Variants in SULT2B1 observed in about 807,000 individuals in gnomAD.
The protein encoded by SULT2B1 is sulfotransferase 2B1.
SULT2B1 carries 16 observed loss-of-function variants against 33.2 expected under a neutral mutation model. The ratio of observed to expected loss-of-function variants is 0.48; its 90% confidence interval spans 0.33 to 0.73. SULT2B1 has a LOEUF of 0.73. SULT2B1 is among the 30% of genes least tolerant of loss of function. The pLI is 0.02. For missense variants in SULT2B1, 500 were observed against 506.0 expected, an observed-to-expected ratio of 0.99 and a Z score of 0.11; for synonymous variants, 186 against 200.5, an observed-to-expected ratio of 0.93 and a Z score of 0.61.
rs79609488 is a variant in SULT2B1 at position 48,554,532 on chromosome 19, C to A, written c.71+2209C>A. ...TCATCTCCCCCCAACCTCACCACTC[C>A]AGCCTTGGCTGTCCCAGGCTGCTCC... is the stretch of plus-strand genomic sequence containing the variant. On this transcript the variant is annotated intron_variant, in intron 1 of 6. Transcript: ENST00000201586. 7.9e-3 allele frequency among the ~76,000 whole-genome samples: 1,171 copies of A among 148,844 alleles called. 29 individuals are homozygous for A. Among genetic ancestry groups the A allele is most frequent in the African/African-American group, 0.028 (1,110 of 39,564 alleles).
rs1973641932 is a variant in SULT2B1, at chr19:48,591,491, CCT to C, written c.424-117_424-116del. ...CCATCGCAAAAAAAAAAGAGTCTGC[CCT>C]GAGTCCTTCCTGCTTCAGGGTCAGA... On this transcript the variant is annotated intron_variant, in intron 3 of 6. Transcript: ENST00000201586. 2.4e-6 allele frequency: 3 copies of C among 1,251,046 alleles called. No individual in the cohort carries two copies. The African/African-American group carries it at 4.6e-5, about 19-fold the overall frequency. 77.5% of individuals were successfully genotyped at this position (1,251,046 alleles called of 1,614,324 possible). A position where few individuals can be genotyped will look rare whatever the true frequency, so the allele number is the denominator to read the frequency against.
intron 2 of SULT2B1, among the ~76,000 whole-genome samples, chr19:48,577,028 A>ATTTTTTTT (rs71179012): frequency 7.5e-5 from 7 of 92,954 alleles, no homozygotes; most frequent in African/African-American, 1.4e-4. Flanking sequence ...ACCCCCCTCT[A>ATTTTTTTT]TTTTTTTTTT....
intron 2 of SULT2B1, among the ~76,000 whole-genome samples, chr19:48,581,961 G>A (rs1378112200): frequency 6.6e-6 from 1 of 151,226 alleles, no homozygotes; most frequent in African/African-American, 2.4e-5. Context: ...CTGGAGTGTA[G>A]TGGTGCCATC....
intron 2 of SULT2B1, among the ~76,000 whole-genome samples, chr19:48,580,956 T>G (rs896601784): frequency 6.6e-6 from 1 of 151,360 alleles, no homozygotes; most frequent in African/African-American, 2.4e-5. Flanking sequence ...ACTGTAGTAT[T>G]AATTTGCATT....
chr19:48,576,355 T>G (rs1459506975), intron 2 of SULT2B1, among the ~76,000 whole-genome samples: 2 of 65,860 alleles, frequency 3.0e-5, no homozygotes, highest in Non-Finnish European at 6.4e-5. Flanking sequence ...TACCCTCTAC[T>G]TCTCTTTTTT....
At chr19:48,559,254 G>A (rs1279062183) in intron 1 of SULT2B1, among the ~76,000 whole-genome samples, 1 of 152,152 alleles carries the variant, frequency 6.6e-6, no homozygotes, top group East Asian at 1.9e-4. Context: ...TTGGGGTGGG[G>A]GGAGGCAGTT....
At chr19:48,591,792 A>G (rs1291658868) in intron 4 of SULT2B1, 57 bp downstream of exon 4, 18 of 1,506,662 alleles carry the variant, frequency 1.2e-5, no homozygotes, top group Admixed American at 8.8e-5. Flanking sequence ...GAGGACCCTG[A>G]TGGGCAGAGG....
intron 4 of SULT2B1, among the ~76,000 whole-genome samples, chr19:48,591,996 C>T (rs935519318): frequency 5.9e-5 from 9 of 151,722 alleles, no homozygotes; most frequent in African/African-American, 2.2e-4. Context: ...AGAGAGAGGG[C>T]AACAAAAGAG....
intron 1 of SULT2B1, among the ~76,000 whole-genome samples, chr19:48,572,554 C>G (rs6509395): frequency 0.64 from 97,789 of 151,708 alleles, 32,211 homozygotes; most frequent in African/African-American, 0.74. Context: ...TGACCTGTGT[C>G]GAGGTGGAAG....
At chr19:48,580,709 T>A (rs1176639081) in intron 2 of SULT2B1, among the ~76,000 whole-genome samples, 1 of 152,032 alleles carries the variant, frequency 6.6e-6, no homozygotes, top group Non-Finnish European at 1.5e-5. Flanking sequence ...GGGAAGATCA[T>A]GGCTCACTGC....
At chr19:48,581,340 G>C (rs1037733935) in intron 2 of SULT2B1, among the ~76,000 whole-genome samples, 2 of 151,432 alleles carry the variant, frequency 1.3e-5, no homozygotes, top group Non-Finnish European at 2.9e-5. Context: ...CACCGCACCT[G>C]GCCATATATT....
intron 1 of SULT2B1, among the ~76,000 whole-genome samples, chr19:48,555,124 C>T (rs569206074): frequency 8.5e-5 from 13 of 152,174 alleles, no homozygotes; most frequent in Middle Eastern, 3.2e-3. Context: ...CGGAGTCTCA[C>T]TCTGTCGCCC....
chr19:48,566,670 C>T lies in SULT2B1; in HGVS notation c.72-9271C>T, dbSNP rs190630877. Reference sequence around the variant, plus strand: ...CAGCCTGGGCAACATGGTAAAACCCCGTTTTTACTAAAATATAAAAAATTA... The same window carrying T: ...CAGCCTGGGCAACATGGTAAAACCCTGTTTTTACTAAAATATAAAAAATTA... On this transcript the variant is annotated intron_variant, in intron 1 of 6. Coordinates refer to ENST00000201586, the MANE Select transcript of SULT2B1 (RefSeq NM_177973.2). Among the ~76,000 whole-genome samples, 59 of 152,094 alleles carry T rather than the reference C, an allele frequency of 3.9e-4. 2 individuals carry two copies. The highest frequency in any genetic ancestry group is 3.2e-3 in the Admixed American group (49 of 15,236).
At chr19:48,588,218 A>G (rs1973592554) in intron 3 of SULT2B1, among the ~76,000 whole-genome samples, 1 of 151,394 alleles carries the variant, frequency 6.6e-6, no homozygotes, top group Non-Finnish European at 1.5e-5. Context: ...TCAAAAAAAA[A>G]AAAAAAAATT....
intron 1 of SULT2B1, among the ~76,000 whole-genome samples, chr19:48,570,168 GC>G (rs1183297734): frequency 2.3e-5 from 3 of 133,078 alleles, no homozygotes; most frequent in African/African-American, 6.0e-5. Context: ...TGTGGGAACC[GC>G]CGGTTTGTTC....
At chr19:48,578,388 C>T (rs1351721430) in intron 2 of SULT2B1, among the ~76,000 whole-genome samples, 1 of 152,058 alleles carries the variant, frequency 6.6e-6, no homozygotes, top group East Asian at 1.9e-4. Context: ...TCGAGAGCAG[C>T]CTGGCCAACA....
At chr19:48,569,361 A>AAAAAAAT (rs1568405757) in intron 1 of SULT2B1, among the ~76,000 whole-genome samples, 5 of 9,968 alleles carry the variant, frequency 5.0e-4, no homozygotes, top group African/African-American at 2.4e-3. Context: ...AAAAAAAAAA[A>AAAAAAAT]ACATATATAT....
chr19:48,586,909 G>C (rs1289578135), intron 2 of SULT2B1, among the ~76,000 whole-genome samples: 1 of 152,072 alleles, frequency 6.6e-6, no homozygotes, highest in Non-Finnish European at 1.5e-5. Flanking sequence ...TCAGGAGTTC[G>C]AGACCAGCCT....
intron 2 of SULT2B1, among the ~76,000 whole-genome samples, chr19:48,577,381 T>TTTTTTTC (rs1973428365): frequency 7.4e-6 from 1 of 135,108 alleles, no homozygotes; most frequent in Non-Finnish European, 1.6e-5. Context: ...TTTTTTTTTT[T>TTTTTTTC]TAGAGACAGA....
Sources: gnomAD v4.1 joint callset for allele counts (sites outside exome capture counted in the v4.1 genomes callset) on GRCh38, gnomAD v4.1.1 for gene constraint, MANE v1.5 for transcripts, NCBI Gene and HGNC (gene_info 2026-07-23, HGNC 2026-07-21) for gene names.